The following KCNH5 variants were observed in gnomAD, a reference collection of about 807,000 sequenced individuals.
KCNH5 encodes potassium voltage-gated channel subfamily H member 5.
A neutral mutation model predicts 96.1 loss-of-function variants in KCNH5; 46 were observed. That is an observed-to-expected ratio of 0.48 (90% CI 0.38 to 0.61). The LOEUF (loss-of-function observed/expected upper bound fraction) is 0.61. Among genes scored for constraint, KCNH5 ranks in the 20% least tolerant of loss-of-function variants. The pLI is 0.00. For missense variants in KCNH5, 907 were observed against 1,225.8 expected, an observed-to-expected ratio of 0.74 and a Z score of 3.88; for synonymous variants, 439 against 449.8, an observed-to-expected ratio of 0.98 and a Z score of 0.30.
intron 10 of KCNH5, among the ~76,000 whole-genome samples, chr14:62,714,377 G>A (rs940025388): frequency 6.6e-6 from 1 of 152,098 alleles, no homozygotes; most frequent in Non-Finnish European, 1.5e-5. Flanking sequence ...TGGAAACATT[G>A]ATGAATTTGA....
chr14:62,768,348 A>C (rs1020040299), intron 10 of KCNH5, among the ~76,000 whole-genome samples: 1 of 152,230 alleles, frequency 6.6e-6, no homozygotes, highest in Non-Finnish European at 1.5e-5. Context: ...TTTAAGTCTT[A>C]ACATTAATAC....
rs1479513945 is a variant in KCNH5 at position 62,877,648 on chromosome 14, C to T, written c.1370-27796G>A. On this transcript the variant is annotated intron_variant, in intron 7 of 10. Coordinates refer to ENST00000322893, the MANE Select transcript of KCNH5 (RefSeq NM_139318.5). Reference sequence around the variant, plus strand: ...TGCAAATCAAAACCACAATGAGATACCATCTCACACCAGTTAGAATGGCGA... The same window carrying T: ...TGCAAATCAAAACCACAATGAGATATCATCTCACACCAGTTAGAATGGCGA... Among the ~76,000 whole-genome samples the T allele has an allele frequency of 2.6e-5, 4 of 152,076 alleles. No individual in the cohort carries two copies. The East Asian group carries it at 7.7e-4, about 29-fold the overall frequency.
chr14:62,969,090 G>C (rs1890355387), intron 6 of KCNH5, among the ~76,000 whole-genome samples: 1 of 152,080 alleles, frequency 6.6e-6, no homozygotes, highest in Admixed American at 6.5e-5. Context: ...AATTAAATTA[G>C]AAATCAATAA....
chr14:62,950,639 T>C, intron 6 of KCNH5, 80 bp from the exon 7 acceptor site: 3 of 1,174,624 alleles, frequency 2.6e-6, no homozygotes, highest in Non-Finnish European at 3.5e-6. Flanking sequence ...ATGGCTCACC[T>C]TCATAAATTT....
intron 7 of KCNH5, among the ~76,000 whole-genome samples, chr14:62,871,881 A>G (rs1888262585): frequency 6.6e-6 from 1 of 152,148 alleles, no homozygotes; most frequent in South Asian, 2.1e-4. Context: ...GGTAATTTGT[A>G]TGAAAATCTC....
chr14:62,832,121 A>T (rs1214906077), intron 8 of KCNH5, among the ~76,000 whole-genome samples: 1 of 152,192 alleles, frequency 6.6e-6, no homozygotes, highest in African/African-American at 2.4e-5. Flanking sequence ...TCGTCTATAT[A>T]TTATTTTTTT....
At chr14:62,802,037 C>T (rs1180959511) in intron 9 of KCNH5, among the ~76,000 whole-genome samples, 1 of 152,142 alleles carries the variant, frequency 6.6e-6, no homozygotes, top group African/African-American at 2.4e-5. Flanking sequence ...CATTTTCACA[C>T]TTACTAACAT....
chr14:62,889,157 C>T (rs2140083341), intron 7 of KCNH5, among the ~76,000 whole-genome samples: 1 of 152,124 alleles, frequency 6.6e-6, no homozygotes, highest in East Asian at 1.9e-4. Flanking sequence ...AAGTTATGTA[C>T]CTGATGACAA....
chr14:62,876,926 T>C (rs1399596775), intron 7 of KCNH5, among the ~76,000 whole-genome samples: 2 of 152,170 alleles, frequency 1.3e-5, no homozygotes, highest in East Asian at 1.9e-4. Context: ...ATTTTGAAAA[T>C]AGATCAAAGA....
At chr14:62,789,954 T>C (rs1424032297) in intron 9 of KCNH5, among the ~76,000 whole-genome samples, 2 of 151,894 alleles carry the variant, frequency 1.3e-5, no homozygotes, top group African/African-American at 4.8e-5. Flanking sequence ...GCTTTTGGTG[T>C]TATATCCAAA....
chr14:62,759,627 T>C (rs1885704669), intron 10 of KCNH5, among the ~76,000 whole-genome samples: 1 of 149,672 alleles, frequency 6.7e-6, no homozygotes. Flanking sequence ...CTTGTCCTGA[T>C]TGAATTTTTG....
chr14:62,822,478 A>G (rs1303715217), intron 8 of KCNH5, among the ~76,000 whole-genome samples: 1 of 152,122 alleles, frequency 6.6e-6, no homozygotes, highest in Non-Finnish European at 1.5e-5. Context: ...GATATGCTCA[A>G]CTAAGTTTTT....
At chr14:62,901,470 C>T (rs1253215644) in intron 7 of KCNH5, among the ~76,000 whole-genome samples, 1 of 152,226 alleles carries the variant, frequency 6.6e-6, no homozygotes, top group East Asian at 1.9e-4. Flanking sequence ...AAAGTGGAAA[C>T]CTGCAGTATT....
Position 62,822,103 on chromosome 14 carries a change from T to C in KCNH5, c.1570-19522A>G, listed in dbSNP as rs146459889. On this transcript the variant is annotated intron_variant, in intron 8 of 10. Coordinates refer to ENST00000322893, the MANE Select transcript of KCNH5 (RefSeq NM_139318.5). The stretch of plus-strand genomic sequence containing the variant: ...AAGAGCTGTATCCTAAAAATTACAT[T>C]TGATGAAATTGATGAAAGAAATCAA... Among the ~76,000 whole-genome samples the C allele has an allele frequency of 9.3e-3, 1,421 of 152,236 alleles. 10 individuals carry two copies. The highest frequency in any genetic ancestry group is 0.013 in the Non-Finnish European group (888 of 68,004).
Position 62,762,537 on chromosome 14 carries a change from G to A in KCNH5, c.2019+17191C>T, listed in dbSNP as rs149511069. 2.9e-3 allele frequency among the ~76,000 whole-genome samples: 439 copies of A among 152,212 alleles called. 2 individuals carry two copies. Among genetic ancestry groups the A allele is most frequent in the African/African-American group, 0.01 (431 of 41,532 alleles). On this transcript the variant is annotated intron_variant, in intron 10 of 10. Coordinates refer to ENST00000322893, the MANE Select transcript of KCNH5 (RefSeq NM_139318.5). ...AACGTCACCCCACCACTTTGTTGGT[G>A]CATGCATGTGCAAACCTCACCACCA...
intron 10 of KCNH5, chr14:62,712,391 G>A: frequency 2.2e-6 from 1 of 450,312 alleles, no homozygotes; most frequent in Non-Finnish European, 4.0e-6. Context: ...CATGGAATGA[G>A]AACATTTTAC....
At chr14:62,883,839 T>C (rs1340772823) in intron 7 of KCNH5, among the ~76,000 whole-genome samples, 1 of 151,964 alleles carries the variant, frequency 6.6e-6, no homozygotes, top group Non-Finnish European at 1.5e-5. Flanking sequence ...AAGAGGAAAG[T>C]TGGAGGAGTG....
chr14:62,776,206 G>A (rs1886091796), intron 10 of KCNH5, among the ~76,000 whole-genome samples: 1 of 152,014 alleles, frequency 6.6e-6, no homozygotes, highest in Non-Finnish European at 1.5e-5. Flanking sequence ...GGCGGAGGTT[G>A]CAGTGAGTCG....
At chr14:62,876,750 A>G (rs1326653292) in intron 7 of KCNH5, among the ~76,000 whole-genome samples, 4 of 152,230 alleles carry the variant, frequency 2.6e-5, no homozygotes, top group Admixed American at 6.5e-5. Flanking sequence ...GTGAAACAGA[A>G]TAGAGTCCAG....
Sources: gnomAD v4.1 joint callset for allele counts (sites outside exome capture counted in the v4.1 genomes callset) on GRCh38, gnomAD v4.1.1 for gene constraint, MANE v1.5 for transcripts, NCBI Gene and HGNC (gene_info 2026-07-23, HGNC 2026-07-21) for gene names.